The following CBLB variants were observed in gnomAD, a reference collection of about 807,000 sequenced individuals.
CBLB encodes the protein E3 ubiquitin-protein ligase CBL-B.
CBLB carries 31 observed loss-of-function variants against 104.9 expected under a neutral mutation model. The observed-to-expected ratio is 0.30, with a 90% CI of 0.22 to 0.40. The LOEUF is 0.40. Ranked by LOEUF, CBLB falls within the 10% of genes least tolerant of loss-of-function variation. The pLI, the probability that CBLB is intolerant of heterozygous loss-of-function variation, is 1.00. For synonymous variants in CBLB, 440 were observed against 422.6 expected (o/e 1.04, Z -0.51); for missense variants, 1,062 against 1,214.6 (o/e 0.87, Z 1.87).
At chr3:105,737,294 A>C (rs746207677) in intron 7 of CBLB, 36 bp from the exon 8 acceptor site, 1 of 1,062,750 alleles carries the variant, frequency 9.4e-7, no homozygotes, top group South Asian at 1.4e-5. Context: ...CCTTAAATAT[A>C]CAAGTTTTAA....
intron 4 of CBLB, among the ~76,000 whole-genome samples, chr3:105,752,012 C>T (rs552332525): frequency 1.4e-3 from 210 of 152,080 alleles, no homozygotes; most frequent in Non-Finnish European, 2.6e-3. Flanking sequence ...ATGATGGGTC[C>T]ATATAATAAT....
At chr3:105,724,915 T>C (rs1367561049) in intron 9 of CBLB, among the ~76,000 whole-genome samples, 1 of 152,084 alleles carries the variant, frequency 6.6e-6, no homozygotes, top group African/African-American at 2.4e-5. Flanking sequence ...TAGCAAAAAA[T>C]ACTAAGTAGG....
intron 3 of CBLB, among the ~76,000 whole-genome samples, chr3:105,817,729 T>C (rs1015571653): frequency 6.6e-6 from 1 of 152,174 alleles, no homozygotes. Context: ...GACAGTTGTG[T>C]ATGCCACTAG....
At chr3:105,848,777 G>C (rs2090592792) in intron 3 of CBLB, among the ~76,000 whole-genome samples, 1 of 152,064 alleles carries the variant, frequency 6.6e-6, no homozygotes, top group Non-Finnish European at 1.5e-5. Flanking sequence ...CTCAATTATA[G>C]TAATGTCCCT....
At chr3:105,667,625 A>T (rs948564517) in intron 18 of CBLB, among the ~76,000 whole-genome samples, 1 of 152,218 alleles carries the variant, frequency 6.6e-6, no homozygotes, top group African/African-American at 2.4e-5. Context: ...AGGAATAAAC[A>T]TTTAGAAGGC....
intron 3 of CBLB, among the ~76,000 whole-genome samples, chr3:105,786,324 T>G (rs1272521761): frequency 2.0e-5 from 3 of 152,112 alleles, no homozygotes; most frequent in Admixed American, 6.5e-5. Context: ...AAAAATGTCA[T>G]TAAAAAGCCA....
intron 3 of CBLB, among the ~76,000 whole-genome samples, chr3:105,823,755 C>A (rs2086201997): frequency 6.6e-6 from 1 of 152,116 alleles, no homozygotes; most frequent in Admixed American, 6.6e-5. Context: ...TTTCAAGTAG[C>A]AACTAATCTC....
chr3:105,755,016 C>CTTTTTTTTTTTTTTT (rs67405809), intron 4 of CBLB, among the ~76,000 whole-genome samples: 1 of 143,832 alleles, frequency 7.0e-6, no homozygotes, highest in African/African-American at 2.6e-5. Context: ...AGTATCTTTT[C>CTTTTTTTTTTTTTTT]TTTTTTTTTT....
chr3:105,854,814 G>A (rs1156415905), intron 2 of CBLB, among the ~76,000 whole-genome samples: 1 of 151,952 alleles, frequency 6.6e-6, no homozygotes, highest in African/African-American at 2.4e-5. Context: ...TATATTTTTA[G>A]TAGAGACGGG....
chr3:105,754,386 C>A (rs1490500521), intron 4 of CBLB, among the ~76,000 whole-genome samples: 2 of 151,826 alleles, frequency 1.3e-5, no homozygotes, highest in Non-Finnish European at 2.9e-5. Context: ...GTTTCTACTA[C>A]CTCTTCCTTT....
intron 10 of CBLB, among the ~76,000 whole-genome samples, chr3:105,717,862 T>A (rs2072144001): frequency 6.6e-6 from 1 of 152,184 alleles, no homozygotes; most frequent in African/African-American, 2.4e-5. Context: ...TTGGTAATAA[T>A]ATAGTGAGCA....
At chr3:105,680,521 A>C (rs1481131410) in intron 16 of CBLB, among the ~76,000 whole-genome samples, 1 of 152,214 alleles carries the variant, frequency 6.6e-6, no homozygotes, top group Non-Finnish European at 1.5e-5. Flanking sequence ...GTGTGCAGGA[A>C]GAAGTGGAAG....
At chr3:105,829,666 C>CAAAAAAAAAAAAA (rs71627689) in intron 3 of CBLB, among the ~76,000 whole-genome samples, 1 of 46,986 alleles carries the variant, frequency 2.1e-5, no homozygotes, top group African/African-American at 7.6e-5. Context: ...AAGACCGTCC[C>CAAAAAAAAAAAAA]AAAAAAAAAA....
In CBLB at chr3:105,659,038, C is replaced by T. The variant is rs561530977; in HGVS notation, c.2881G>A (p.Glu961Lys). ...TCTCGGAGGATGCTCCGGGCAACTT[C>T]GACATTATTCTGGGCTATCTCTAAG... is the stretch of plus-strand genomic sequence containing the variant. ...RALEIAQNNVEVARSILREFA... is the reference protein window; with the variant it reads ...RALEIAQNNVKVARSILREFA... Residue 961 changes from glutamate to lysine, a missense_variant, in exon 19 of 19, where the codon GAA becomes AAA. This residue lies in a region of CBLB where 605 missense variants were observed against 582.6 expected (regional missense o/e 1.04). Coordinates refer to ENST00000394030, the MANE Select transcript of CBLB (RefSeq NM_170662.5). 62 of 1,613,988 alleles carry T rather than the reference C, an allele frequency of 3.8e-5. No individual in the cohort carries two copies. The highest frequency in any genetic ancestry group is 5.3e-5 in the African/African-American group (4 of 75,032).
At chr3:105,709,316 C>T (rs1290627931) in intron 10 of CBLB, among the ~76,000 whole-genome samples, 2 of 151,838 alleles carry the variant, frequency 1.3e-5, no homozygotes, top group East Asian at 3.8e-4. Context: ...TAGGGGTATG[C>T]ATGTTGTCAA....
At chr3:105,865,522 G>C (rs1160382581) in intron 2 of CBLB, among the ~76,000 whole-genome samples, 1 of 151,786 alleles carries the variant, frequency 6.6e-6, no homozygotes, top group African/African-American at 2.4e-5. Context: ...CCCACAGAAG[G>C]GTTAATAAAA....
chr3:105,733,908 A>G (rs1310921117), intron 9 of CBLB, 101 bp downstream of exon 9: 5 of 1,084,042 alleles, frequency 4.6e-6, no homozygotes, highest in Non-Finnish European at 7.0e-6. Flanking sequence ...CATTTCAAAC[A>G]AAGCACTTAC....
chr3:105,770,420 G>A (rs111985569), intron 4 of CBLB, among the ~76,000 whole-genome samples: 153 of 152,276 alleles, frequency 1.0e-3, no homozygotes, highest in African/African-American at 3.5e-3. Flanking sequence ...TAAAAAAGTA[G>A]GAGCCGCAGC....
At chr3:105,736,000 T>C (rs1017745807) in intron 8 of CBLB, among the ~76,000 whole-genome samples, 4 of 152,180 alleles carry the variant, frequency 2.6e-5, no homozygotes, top group East Asian at 3.8e-4. Context: ...AATATGTACA[T>C]ATAAATGTCA....
Sources: allele counts gnomAD v4.1 joint callset (sites outside exome capture counted in the v4.1 genomes callset), GRCh38; gene constraint gnomAD v4.1.1; regional missense constraint gnomAD v4.1.1; transcripts MANE v1.5; gene names NCBI Gene and HGNC (gene_info 2026-07-23, HGNC 2026-07-21).